Variants in P4HA3 observed in about 807,000 individuals in gnomAD.
The protein encoded by P4HA3 is prolyl 4-hydroxylase subunit alpha 3, also known as prolyl 4-hydroxylase subunit alpha-3.
In P4HA3, 60 loss-of-function variants were observed where a neutral mutation model predicts 66.7. The observed-to-expected ratio is 0.90, with a 90% CI of 0.73 to 1.12. The LOEUF is 1.12. Among genes scored for constraint, P4HA3 ranks in the 50% most tolerant of loss-of-function variants. The pLI is 0.00. For missense variants in P4HA3, 683 were observed against 685.8 expected, an observed-to-expected ratio of 1.00 and a Z score of 0.05; for synonymous variants, 263 against 274.6, an observed-to-expected ratio of 0.96 and a Z score of 0.42.
At chr11:74,274,765 A>G (rs1480737181) in intron 9 of P4HA3, among the ~76,000 whole-genome samples, 1 of 152,228 alleles carries the variant, frequency 6.6e-6, no homozygotes, top group Non-Finnish European at 1.5e-5. Context: ...GAAACCATCA[A>G]ACTTTTTTCC....
At chr11:74,303,812 G>C (rs1308880800) in intron 2 of P4HA3, among the ~76,000 whole-genome samples, 1 of 152,036 alleles carries the variant, frequency 6.6e-6, no homozygotes, top group African/African-American at 2.4e-5. Flanking sequence ...TGGAACTCCT[G>C]ACCTCAAGTG....
chr11:74,281,339 A>G (rs61902366), intron 7 of P4HA3, among the ~76,000 whole-genome samples: 6 of 152,098 alleles, frequency 3.9e-5, no homozygotes, highest in Non-Finnish European at 5.9e-5. Flanking sequence ...ATCTAGAACT[A>G]GAAATACCAT....
At chr11:74,273,677 A>G (rs1591094297) in intron 9 of P4HA3, 70 bp from the exon 10 acceptor site, 1 of 1,234,484 alleles carries the variant, frequency 8.1e-7, no homozygotes, top group East Asian at 2.6e-5. Flanking sequence ...GGATTCCACT[A>G]TTAATACAAA....
rs1342865487 is a variant in P4HA3, at chr11:74,286,478, C to CT, written c.770-88dup. The stretch of plus-strand genomic sequence containing the variant: ...GCCACCAAGGTTTCCTCCAGCTTCA[C>CT]TGCTGCACAGGATGGGCAAGTGGAT... On this transcript the variant is annotated intron_variant, in intron 5 of 12. Coordinates refer to ENST00000331597, the MANE Select transcript of P4HA3 (RefSeq NM_182904.5). 7.0e-6 allele frequency: 9 copies of CT among 1,294,176 alleles called. No homozygotes were observed. In the East Asian group the frequency reaches 2.0e-4, roughly 29 times the overall value. The allele number at this position is 1,294,176 out of a possible 1,614,324, so 80.2% of individuals were successfully genotyped here. A position where few individuals can be genotyped will look rare whatever the true frequency, so the allele number is the denominator to read the frequency against.
In P4HA3 at chr11:74,267,240, C is replaced by T. The variant is rs375670011; in HGVS notation, c.*8G>A. The stretch of plus-strand genomic sequence containing the variant: ...ACAGGACTCCACCAGCTTCTCTCTG[C>T]CAACAGTTCAGTCTTCAGGGCTGGA... On this transcript the variant is annotated 3_prime_UTR_variant, in exon 13 of 13. Coordinates refer to ENST00000331597, the MANE Select transcript of P4HA3 (RefSeq NM_182904.5). The T allele has an allele frequency of 1.9e-6, 3 of 1,614,054 alleles. No individual in the cohort carries two copies. The highest frequency in any genetic ancestry group is 1.3e-5 in the African/African-American group (1 of 74,930).
At chr11:74,301,322 G>A (rs940039804) in intron 3 of P4HA3, among the ~76,000 whole-genome samples, 1 of 152,104 alleles carries the variant, frequency 6.6e-6, no homozygotes. Flanking sequence ...TCCAGGAAGT[G>A]ACTTACTAAA....
intron 15 of P4HA3, chr11:74,252,504 C>T (rs1026717720): frequency 1.1e-5 from 5 of 456,628 alleles, no homozygotes; most frequent in Non-Finnish European, 1.8e-5. Flanking sequence ...CCTCCCTTTC[C>T]GAAGCTGGCA....
intron 4 of P4HA3, among the ~76,000 whole-genome samples, chr11:74,290,186 G>A (rs1591118450): frequency 6.6e-6 from 1 of 152,038 alleles, no homozygotes; most frequent in Non-Finnish European, 1.5e-5. Flanking sequence ...GCATTTCTCT[G>A]ATGGCCAGTG....
Position 74,311,595 on chromosome 11 carries a change from C to A in P4HA3, c.17G>T (p.Arg6Leu). Residue 6 changes from arginine (R) to leucine (L), a missense_variant, in exon 1 of 13, where the codon CGG becomes CTG. Coordinates refer to ENST00000331597, the MANE Select transcript of P4HA3 (RefSeq NM_182904.5). ...CAGCACCGCCAGCAGCGCCGCCAGC[C>A]GCGCCCCAGGACCCATAGCCAGCGC... MGPGARLAALLAVLAL... is the reference protein window; with the variant it reads MGPGALLAALLAVLAL... 4 of 1,535,246 alleles carry A rather than the reference C, an allele frequency of 2.6e-6. No homozygotes were observed. Among genetic ancestry groups the A allele is most frequent in the East Asian group, 2.6e-5 (1 of 38,132 alleles).
At chr11:74,272,297 G>C (rs1860232316) in intron 10 of P4HA3, among the ~76,000 whole-genome samples, 1 of 152,030 alleles carries the variant, frequency 6.6e-6, no homozygotes, top group African/African-American at 2.4e-5. Context: ...CTTCGCTATA[G>C]TAACTGGGGC....
At chr11:74,264,036 C>T (rs895663682), downstream of P4HA3, among the ~76,000 whole-genome samples, 5 of 152,220 alleles carry the variant, frequency 3.3e-5, no homozygotes, top group African/African-American at 1.2e-4. Flanking sequence ...GCCACTTTAT[C>T]AGGACTAGTC....
intron 4 of P4HA3, among the ~76,000 whole-genome samples, chr11:74,296,212 T>C (rs1310592718): frequency 6.6e-6 from 1 of 152,220 alleles, no homozygotes; most frequent in Non-Finnish European, 1.5e-5. Context: ...GCATCATTAT[T>C]CCTCTTTTAC....
intron 4 of P4HA3, among the ~76,000 whole-genome samples, chr11:74,295,433 A>T (rs1335579325): frequency 6.6e-6 from 1 of 152,216 alleles, no homozygotes; most frequent in Non-Finnish European, 1.5e-5. Context: ...AATGATGATT[A>T]ACTGATAGAA....
chr11:74,295,176 C>T (rs1045484074), intron 4 of P4HA3, among the ~76,000 whole-genome samples: 3 of 152,098 alleles, frequency 2.0e-5, no homozygotes, highest in Non-Finnish European at 4.4e-5. Flanking sequence ...CAATGTGGAA[C>T]TATAAAAACC....
chr11:74,296,851 A>T (rs557777860), intron 4 of P4HA3, among the ~76,000 whole-genome samples: 10 of 151,870 alleles, frequency 6.6e-5, no homozygotes, highest in East Asian at 1.9e-4. Flanking sequence ...CCTACATCAC[A>T]GTTACTCTGT....
At chr11:74,292,429 TTG>T (rs1861063062) in intron 4 of P4HA3, among the ~76,000 whole-genome samples, 1 of 152,224 alleles carries the variant, frequency 6.6e-6, no homozygotes, top group African/African-American at 2.4e-5. Context: ...GAAGGGTTTT[TTG>T]TGTCTCTATT....
chr11:74,279,982 A>G (rs1860535182), intron 7 of P4HA3, among the ~76,000 whole-genome samples: 1 of 152,220 alleles, frequency 6.6e-6, no homozygotes. Context: ...TTTTTGCTAC[A>G]ACCACTTTTT....
intron 3 of P4HA3, 120 bp downstream of exon 3, chr11:74,302,249 T>TTTTCTCTTG (rs1861430343): frequency 1.1e-6 from 1 of 951,066 alleles, no homozygotes; most frequent in South Asian, 1.8e-5. Context: ...AAAATGGAAA[T>TTTTCTCTTG]GATATCAAAT....
At chr11:74,303,587 T>TC (rs1209228062) in intron 2 of P4HA3, among the ~76,000 whole-genome samples, 1 of 147,996 alleles carries the variant, frequency 6.8e-6, no homozygotes. Context: ...AGTCAACACT[T>TC]TTTTTTTTTT....
Sources: gnomAD v4.1 joint callset for allele counts (sites outside exome capture counted in the v4.1 genomes callset) on GRCh38, gnomAD v4.1.1 for gene constraint, MANE v1.5 for transcripts, NCBI Gene and HGNC (gene_info 2026-07-23, HGNC 2026-07-21) for gene names.